Variants in DHRSX observed in about 807,000 individuals in gnomAD.
The protein encoded by DHRSX is polyprenol dehydrogenase.
A neutral mutation model predicts 34.0 loss-of-function variants in DHRSX; 31 were observed. That is an observed-to-expected ratio of 0.91 (90% CI 0.69 to 1.23). The LOEUF (loss-of-function observed/expected upper bound fraction) is 1.23. Among genes scored for constraint, DHRSX ranks in the 50% most tolerant of loss-of-function variants. The pLI is 0.00. For synonymous variants in DHRSX, 201 were observed against 183.8 expected (o/e 1.09, Z -0.76); for missense variants, 414 against 428.1 (o/e 0.97, Z 0.29).
intron 3 of DHRSX, among the ~76,000 whole-genome samples, chrX:2,311,021 A>C (rs1250454578): frequency 6.7e-6 from 1 of 150,174 alleles, no homozygotes; most frequent in African/African-American, 2.5e-5. Flanking sequence ...AGATCACTCC[A>C]TTGCACCCCA....
chrX:2,237,796 T>TCC (rs2016050952), intron 6 of DHRSX, among the ~76,000 whole-genome samples: 1 of 151,778 alleles, frequency 6.6e-6, no homozygotes, highest in South Asian at 2.1e-4. Flanking sequence ...GAGCCACCAC[T>TCC]CCCAGCCGAT....
At chrX:2,390,027 C>T (rs1348064748) in intron 3 of DHRSX, among the ~76,000 whole-genome samples, 3 of 152,094 alleles carry the variant, frequency 2.0e-5, no homozygotes, top group East Asian at 1.9e-4. Flanking sequence ...GTGATCCACC[C>T]GCCTCAGCCT....
chrX:2,238,620 T>G (rs1357554838), intron 6 of DHRSX, among the ~76,000 whole-genome samples: 2 of 151,688 alleles, frequency 1.3e-5, no homozygotes, highest in African/African-American at 4.8e-5. Flanking sequence ...TTTCACTCTT[T>G]TCACCCAGGC....
intron 3 of DHRSX, among the ~76,000 whole-genome samples, chrX:2,298,775 C>T (rs1479925372): frequency 4.6e-5 from 7 of 151,864 alleles, no homozygotes; most frequent in African/African-American, 9.7e-5. Flanking sequence ...CACCTGAGGT[C>T]GGGAGTTCAA....
At chrX:2,238,544 C>G (rs2016067955) in intron 6 of DHRSX, among the ~76,000 whole-genome samples, 1 of 151,928 alleles carries the variant, frequency 6.6e-6, no homozygotes, top group Admixed American at 6.6e-5. Context: ...CACAGATTCT[C>G]CCCAGGGACC....
intron 5 of DHRSX, among the ~76,000 whole-genome samples, chrX:2,252,268 G>A (rs2016451459): frequency 6.6e-6 from 1 of 152,034 alleles, no homozygotes; most frequent in Non-Finnish European, 1.5e-5. Flanking sequence ...AAATCTAAGA[G>A]ACTGGAAGAA....
intron 1 of DHRSX, among the ~76,000 whole-genome samples, chrX:2,465,950 C>A (rs1441202732): frequency 6.6e-6 from 1 of 152,178 alleles, no homozygotes; most frequent in African/African-American, 2.4e-5. Flanking sequence ...CAGGAAATTG[C>A]AATTCGAATG....
intron 6 of DHRSX, among the ~76,000 whole-genome samples, chrX:2,226,771 G>A (rs112679093): frequency 0.027 from 4,172 of 151,878 alleles, 212 homozygotes; most frequent in African/African-American, 0.095. Flanking sequence ...CTCCAGCCTG[G>A]GCGACAGAGC....
At chrX:2,313,012 T>TG in intron 3 of DHRSX, among the ~76,000 whole-genome samples, 1 of 151,834 alleles carries the variant, frequency 6.6e-6, no homozygotes. Flanking sequence ...ATATATTTTT[T>TG]TTTTTTTGAG....
At position 2,248,657 on chromosome X, in the gene DHRSX, A is replaced by AGGAAAAG. The variant is rs1556433678; in HGVS notation, c.597-5428_597-5427insCTTTTCC. The stretch of plus-strand genomic sequence containing the variant: ...AGAAAAGAAAAGAAAAAGAAAGAAA[A>AGGAAAAG]GAAAAGGAAAAGGAAATTCCTTGAC... On this transcript the variant is annotated intron_variant, in intron 5 of 6. Coordinates refer to ENST00000334651, the MANE Select transcript of DHRSX (RefSeq NM_145177.3). 1.2e-4 allele frequency among the ~76,000 whole-genome samples: 18 copies of AGGAAAAG among 145,236 alleles called. No individual in the cohort carries two copies. In the Admixed American group the frequency reaches 1.3e-3, roughly 10 times the overall value.
intron 1 of DHRSX, among the ~76,000 whole-genome samples, chrX:2,492,006 A>G (rs1383265615): frequency 6.6e-6 from 1 of 152,218 alleles, no homozygotes; most frequent in Admixed American, 6.5e-5. Flanking sequence ...CCAAGTGTCC[A>G]GTACAGTGCT....
At chrX:2,320,065 G>A (rs1330580007) in intron 3 of DHRSX, among the ~76,000 whole-genome samples, 1 of 151,784 alleles carries the variant, frequency 6.6e-6, no homozygotes, top group Non-Finnish European at 1.5e-5. Flanking sequence ...CCGACCTCAG[G>A]TGATCCACCC....
chrX:2,455,162 G>A (rs1472173914), intron 1 of DHRSX, among the ~76,000 whole-genome samples: 1 of 151,352 alleles, frequency 6.6e-6, no homozygotes, highest in Non-Finnish European at 1.5e-5. Context: ...GCATGGAGGT[G>A]GAGGCCATTA....
At chrX:2,339,739 T>A (rs34639914) in intron 3 of DHRSX, among the ~76,000 whole-genome samples, 1 of 151,990 alleles carries the variant, frequency 6.6e-6, no homozygotes, top group African/African-American at 2.4e-5. Context: ...ATGGTGTCTA[T>A]GTGCCACATT....
intron 2 of DHRSX, among the ~76,000 whole-genome samples, chrX:2,421,159 G>A (rs1190937441): frequency 3.9e-5 from 6 of 152,170 alleles, no homozygotes; most frequent in East Asian, 3.9e-4. Context: ...CAGGCAGATC[G>A]CTTGAACTCA....
intron 5 of DHRSX, among the ~76,000 whole-genome samples, chrX:2,248,486 A>G: frequency 6.8e-6 from 1 of 146,436 alleles, no homozygotes. Flanking sequence ...GGTGGCGGGC[A>G]CCTGTAGTCC....
intron 1 of DHRSX, among the ~76,000 whole-genome samples, chrX:2,497,369 G>A (rs2045311111): frequency 6.6e-6 from 1 of 152,098 alleles, no homozygotes; most frequent in Admixed American, 6.6e-5. Context: ...CTCCAGCCTG[G>A]GAAACAAAAG....
At chrX:2,489,307 C>A in intron 1 of DHRSX, 3 of 1,613,906 alleles carry the variant, frequency 1.9e-6, no homozygotes, top group Non-Finnish European at 1.7e-6. Flanking sequence ...GGAAGGTGGC[C>A]ACGTTGAGAA....
chrX:2,284,264 TAGA>T (rs2041775838), intron 4 of DHRSX, among the ~76,000 whole-genome samples: 1 of 152,158 alleles, frequency 6.6e-6, no homozygotes, highest in Non-Finnish European at 1.5e-5. Context: ...ATTCATTCCT[TAGA>T]ATTAATTCAT....
Sources: gnomAD v4.1 joint callset for allele counts (sites outside exome capture counted in the v4.1 genomes callset) on GRCh38, gnomAD v4.1.1 for gene constraint, MANE v1.5 for transcripts, NCBI Gene and HGNC (gene_info 2026-07-23, HGNC 2026-07-21) for gene names.